ANK3: variants seen among roughly 807,000 people sequenced by gnomAD.
ANK3 encodes the protein ankyrin 3, also known as ankyrin-3.
A neutral mutation model predicts 370.9 loss-of-function variants in ANK3; 57 were observed. The observed-to-expected ratio is 0.15, with a 90% CI of 0.12 to 0.19. The LOEUF is 0.19. Ranked by LOEUF, ANK3 falls within the 10% of genes least tolerant of loss-of-function variation. The pLI, the probability that ANK3 is intolerant of heterozygous loss-of-function variation, is 1.00. For synonymous variants in ANK3, 1,929 were observed against 1,946.3 expected, an observed-to-expected ratio of 0.99 and a Z score of 0.23; for missense variants, 4,439 against 5,302.1, an observed-to-expected ratio of 0.84 and a Z score of 5.06.
intron 18 of ANK3, among the ~76,000 whole-genome samples, chr10:60,180,361 G>T (rs1591360431): frequency 6.6e-6 from 1 of 152,128 alleles, no homozygotes; most frequent in Non-Finnish European, 1.5e-5. Context: ...ACTTTGGGAG[G>T]CCGAGGCATG....
chr10:60,402,134 C>G (rs973482158), intron 2 of ANK3, among the ~76,000 whole-genome samples: 4 of 151,966 alleles, frequency 2.6e-5, no homozygotes, highest in Non-Finnish European at 5.9e-5. Context: ...AACCCAAAGT[C>G]AAAATATTCA....
chr10:60,238,402 A>T (rs1486301272), intron 7 of ANK3, among the ~76,000 whole-genome samples: 1 of 152,172 alleles, frequency 6.6e-6, no homozygotes, highest in African/African-American at 2.4e-5. Context: ...AGAGCCTTCA[A>T]ATCCGTCACC....
At chr10:60,036,694 C>T (rs957315170) in intron 43 of ANK3, among the ~76,000 whole-genome samples, 3 of 152,010 alleles carry the variant, frequency 2.0e-5, no homozygotes, top group Non-Finnish European at 4.4e-5. Context: ...CCTCGGCCTC[C>T]TAAAGTGCTG....
At chr10:60,052,619 T>G (rs1459003067) in intron 42 of ANK3, among the ~76,000 whole-genome samples, 1 of 152,120 alleles carries the variant, frequency 6.6e-6, no homozygotes, top group Non-Finnish European at 1.5e-5. Flanking sequence ...AAGGGGCAAA[T>G]AGTTCATAAT....
intron 1 of ANK3, among the ~76,000 whole-genome samples, chr10:60,625,248 C>G (rs2078393030): frequency 6.6e-6 from 1 of 152,122 alleles, no homozygotes; most frequent in South Asian, 2.1e-4. Context: ...GCAGTGGGGA[C>G]TTTAGATGGC....
chr10:60,625,269 C>T, intron 1 of ANK3, among the ~76,000 whole-genome samples: 1 of 152,136 alleles, frequency 6.6e-6, no homozygotes, highest in East Asian at 1.9e-4. Flanking sequence ...TGCACACACA[C>T]AAGAGACAAG....
intron 7 of ANK3, among the ~76,000 whole-genome samples, chr10:60,252,998 T>C (rs904412816): frequency 1.3e-5 from 2 of 152,226 alleles, no homozygotes; most frequent in Non-Finnish European, 2.9e-5. Context: ...AATCATCACA[T>C]TGATAGCATT....
At chr10:60,545,136 A>C (rs2133222239) in intron 2 of ANK3, among the ~76,000 whole-genome samples, 1 of 58,776 alleles carries the variant, frequency 1.7e-5, no homozygotes, top group South Asian at 6.8e-4. Flanking sequence ...CTAGGGTGGG[A>C]AGAGGATTGA....
At chr10:60,542,402 T>G (rs906663651) in intron 2 of ANK3, among the ~76,000 whole-genome samples, 1 of 151,872 alleles carries the variant, frequency 6.6e-6, no homozygotes, top group Non-Finnish European at 1.5e-5. Flanking sequence ...ATGCTAAGAA[T>G]GTTTGGATTG....
At chr10:60,632,108 C>A (rs2078491850) in intron 1 of ANK3, among the ~76,000 whole-genome samples, 1 of 152,172 alleles carries the variant, frequency 6.6e-6, no homozygotes, top group Non-Finnish European at 1.5e-5. Flanking sequence ...CTGCTATCAA[C>A]TGCTAACTTC....
intron 1 of ANK3, among the ~76,000 whole-genome samples, chr10:60,346,658 T>G (rs1032962715): frequency 6.6e-6 from 1 of 152,118 alleles, no homozygotes; most frequent in Non-Finnish European, 1.5e-5. Flanking sequence ...CTGTTGATGT[T>G]TTACATGTAC....
At chr10:60,482,720 C>T (rs10821771) in intron 2 of ANK3, among the ~76,000 whole-genome samples, 72,074 of 152,006 alleles carry the variant, frequency 0.47, 17,819 homozygotes, top group Middle Eastern at 0.56. Context: ...CTCCTAGGCT[C>T]AAGCGGTCCA....
chr10:60,328,393 CTTTA>C (rs746041509), intron 1 of ANK3, among the ~76,000 whole-genome samples: 1 of 152,142 alleles, frequency 6.6e-6, no homozygotes, highest in Non-Finnish European at 1.5e-5. Flanking sequence ...TTCATTGCAT[CTTTA>C]TTTATACTTA....
chr10:60,690,500 G>GT (rs949878877), intron 1 of ANK3, among the ~76,000 whole-genome samples: 3 of 151,968 alleles, frequency 2.0e-5, no homozygotes, highest in Non-Finnish European at 4.4e-5. Context: ...GACAGGCAAT[G>GT]TTTTTTTCCC....
chr10:60,097,854 A>G (rs16914759), intron 28 of ANK3, among the ~76,000 whole-genome samples: 15,719 of 152,198 alleles, frequency 0.1, 989 homozygotes, highest in African/African-American at 0.18. Flanking sequence ...AGGTTTCCCA[A>G]AGGATGATTT....
At chr10:60,583,297 T>A (rs1403320315) in intron 2 of ANK3, among the ~76,000 whole-genome samples, 1 of 152,064 alleles carries the variant, frequency 6.6e-6, no homozygotes, top group African/African-American at 2.4e-5. Context: ...ATATGTAGAA[T>A]CTAAAAAGTT....
intron 2 of ANK3, among the ~76,000 whole-genome samples, chr10:60,457,690 GAGTT>G (rs992594007): frequency 1.3e-5 from 2 of 152,034 alleles, no homozygotes; most frequent in Admixed American, 6.6e-5. Flanking sequence ...GACAGGAAAA[GAGTT>G]AGAGTTAGGG....
At chr10:60,568,902 A>T (rs1358549288) in intron 2 of ANK3, among the ~76,000 whole-genome samples, 3 of 152,244 alleles carry the variant, frequency 2.0e-5, no homozygotes, top group Non-Finnish European at 4.4e-5. Context: ...AGGAAAGGCC[A>T]TGTGAGCACA....
chr10:60,540,282 A>G (rs924236846), intron 2 of ANK3, among the ~76,000 whole-genome samples: 1 of 151,898 alleles, frequency 6.6e-6, no homozygotes, highest in Non-Finnish European at 1.5e-5. Context: ...AGAGAGACAC[A>G]GAGATGAGAA....
Sources: gnomAD v4.1 joint callset for allele counts (sites outside exome capture counted in the v4.1 genomes callset) on GRCh38, gnomAD v4.1.1 for gene constraint, MANE v1.5 for transcripts, NCBI Gene and HGNC (gene_info 2026-07-23, HGNC 2026-07-21) for gene names.